The following CDYL2 variants were observed in gnomAD, a reference collection of about 807,000 sequenced individuals.
The protein encoded by CDYL2 is chromodomain Y like 2, also known as chromodomain Y-like protein 2.
Under a neutral mutation model 49.4 loss-of-function variants are expected in CDYL2, and 23 were observed. The observed-to-expected ratio is 0.47, with a 90% confidence interval of 0.34 to 0.66. CDYL2 has a LOEUF of 0.66. Ranked by LOEUF, CDYL2 falls within the 30% of genes least tolerant of loss-of-function variation. The pLI is 0.01. For missense variants in CDYL2, 678 were observed against 656.4 expected, an observed-to-expected ratio of 1.03 and a Z score of -0.36; for synonymous variants, 360 against 268.8, an observed-to-expected ratio of 1.34 and a Z score of -3.32.
In CDYL2 at chr16:80,629,868, A is replaced by G. The variant is rs191733893; in HGVS notation, c.834+3151T>C. On this transcript the variant is annotated intron_variant, in intron 3 of 6. Coordinates refer to ENST00000570137, the MANE Select transcript of CDYL2 (RefSeq NM_152342.4). Reference sequence around the variant, plus strand: ...TAAATGGCCTCTGCTTCCCATTAACAATGATGGGAACATTTATTACATACC... The same window carrying G: ...TAAATGGCCTCTGCTTCCCATTAACGATGATGGGAACATTTATTACATACC... Among the ~76,000 whole-genome samples the G allele has an allele frequency of 1.6e-3, 243 of 152,318 alleles. 6 individuals are homozygous for G. Among genetic ancestry groups the G allele is most frequent in the Non-Finnish European group, 4.3e-4 (29 of 68,022 alleles).
intron 1 of CDYL2, among the ~76,000 whole-genome samples, chr16:80,779,926 C>T (rs1907208455): frequency 6.6e-6 from 1 of 151,916 alleles, no homozygotes; most frequent in South Asian, 2.1e-4. Flanking sequence ...CATGTATCTG[C>T]TTTATAATCT....
At chr16:80,649,827 C>T (rs1235539497) in intron 2 of CDYL2, among the ~76,000 whole-genome samples, 1 of 152,102 alleles carries the variant, frequency 6.6e-6, no homozygotes, top group Non-Finnish European at 1.5e-5. Context: ...CTACAGTGAA[C>T]CCATTTTAGA....
intron 2 of CDYL2, among the ~76,000 whole-genome samples, chr16:80,665,686 TG>T (rs1334500083): frequency 6.6e-6 from 1 of 151,804 alleles, no homozygotes; most frequent in Non-Finnish European, 1.5e-5. Context: ...GGAAAGGAGA[TG>T]AAGATGGGAG....
chr16:80,749,516 A>T (rs1416537299), intron 1 of CDYL2, among the ~76,000 whole-genome samples: 2 of 152,194 alleles, frequency 1.3e-5, no homozygotes, highest in Non-Finnish European at 2.9e-5. Context: ...CAAAATCAAC[A>T]GCTAAAAGAT....
chr16:80,667,330 T>C (rs1597159162), intron 2 of CDYL2, among the ~76,000 whole-genome samples: 1 of 152,272 alleles, frequency 6.6e-6, no homozygotes, highest in East Asian at 1.9e-4. Context: ...GACTGCTGTA[T>C]TCTTTGTGAT....
chr16:80,782,298 T>C (rs1597131444), intron 1 of CDYL2, among the ~76,000 whole-genome samples: 2 of 151,772 alleles, frequency 1.3e-5, no homozygotes, highest in South Asian at 4.2e-4. Context: ...CAAAAATGAA[T>C]AGAAAATCTG....
intron 1 of CDYL2, among the ~76,000 whole-genome samples, chr16:80,716,569 A>G (rs1445624087): frequency 6.6e-6 from 1 of 151,894 alleles, no homozygotes; most frequent in Non-Finnish European, 1.5e-5. Flanking sequence ...TGGATAGATG[A>G]CTGAATGAAT....
chr16:80,675,695 G>A (rs955289488), intron 2 of CDYL2, among the ~76,000 whole-genome samples: 2 of 151,618 alleles, frequency 1.3e-5, no homozygotes, highest in African/African-American at 4.8e-5. Flanking sequence ...AGGAGGTGAA[G>A]TTTTATTATT....
chr16:80,698,283 C>T (rs369194952), intron 1 of CDYL2, among the ~76,000 whole-genome samples: 8 of 152,210 alleles, frequency 5.3e-5, no homozygotes, highest in South Asian at 4.1e-4. Flanking sequence ...AGCTTCTGTA[C>T]GTACTGCAAA....
intron 1 of CDYL2, among the ~76,000 whole-genome samples, chr16:80,783,729 A>T (rs1330988577): frequency 6.6e-6 from 1 of 152,268 alleles, no homozygotes; most frequent in Non-Finnish European, 1.5e-5. Context: ...GCATGCTAAA[A>T]CATGGCTGAT....
chr16:80,748,727 C>A (rs1340973797), intron 1 of CDYL2, among the ~76,000 whole-genome samples: 1 of 152,002 alleles, frequency 6.6e-6, no homozygotes, highest in African/African-American at 2.4e-5. Context: ...AACACCACAA[C>A]CACCACCAAC....
At chr16:80,624,983 T>C (rs1907240287) in intron 3 of CDYL2, among the ~76,000 whole-genome samples, 1 of 152,164 alleles carries the variant, frequency 6.6e-6, no homozygotes, top group Admixed American at 6.5e-5. Flanking sequence ...AGGGATTCTA[T>C]CAGGAGATCA....
chr16:80,772,002 T>C (rs952376963), intron 1 of CDYL2, among the ~76,000 whole-genome samples: 5 of 152,132 alleles, frequency 3.3e-5, no homozygotes, highest in Non-Finnish European at 7.4e-5. Context: ...TGGCTGAGCA[T>C]TCCCCTAAAC....
chr16:80,633,114 A>G lies in CDYL2; in HGVS notation c.739T>C (p.Cys247Arg). 1 of 1,614,204 alleles carries G rather than the reference A, an allele frequency of 6.2e-7. No individual in the cohort carries two copies. Among genetic ancestry groups the G allele is most frequent in the South Asian group, 1.1e-5 (1 of 91,082 alleles). ...CGCACAACGATGTCTCGAAACCGAC[A>G]GTTGCTTTCATTCTGGCGGACACTG... ...RYSVRQNESNCRFRDIVVRKE... is the reference protein window; with the variant it reads ...RYSVRQNESNRRFRDIVVRKE... The change falls in exon 3 of 7, where the codon TGT becomes CGT. Residue 247 changes from cysteine to arginine, a missense_variant. Cys to Arg is a radical substitution (Grantham distance 180, BLOSUM62 -3). Coordinates refer to ENST00000570137, the MANE Select transcript of CDYL2 (RefSeq NM_152342.4).
intron 2 of CDYL2, among the ~76,000 whole-genome samples, chr16:80,662,208 C>A (rs922333373): frequency 1.3e-5 from 2 of 152,156 alleles, no homozygotes; most frequent in African/African-American, 4.8e-5. Flanking sequence ...TGAGTGAGAT[C>A]CCACCTCTCA....
intron 1 of CDYL2, among the ~76,000 whole-genome samples, chr16:80,802,403 C>T (rs1371824024): frequency 6.6e-6 from 1 of 152,214 alleles, no homozygotes; most frequent in Non-Finnish European, 1.5e-5. Context: ...GTACTGGTTA[C>T]ACATAAGGAA....
intron 1 of CDYL2, among the ~76,000 whole-genome samples, chr16:80,701,623 A>G (rs1904301359): frequency 2.0e-5 from 3 of 152,210 alleles, no homozygotes; most frequent in Non-Finnish European, 4.4e-5. Context: ...ATAAACAACA[A>G]AATTCTACTG....
intron 1 of CDYL2, among the ~76,000 whole-genome samples, chr16:80,706,268 T>A (rs1904401676): frequency 6.6e-6 from 1 of 152,156 alleles, no homozygotes; most frequent in Admixed American, 6.5e-5. Context: ...CTTCAACAGG[T>A]TTGTGAAAAA....
chr16:80,729,396 G>A (rs201313581), intron 1 of CDYL2, among the ~76,000 whole-genome samples: 3 of 152,240 alleles, frequency 2.0e-5, no homozygotes, highest in Admixed American at 6.5e-5. Context: ...AACAAGAAGA[G>A]CTAACTATCC....
Sources: gnomAD v4.1 joint callset for allele counts (sites outside exome capture counted in the v4.1 genomes callset) on GRCh38, gnomAD v4.1.1 for gene constraint, MANE v1.5 for transcripts, NCBI Gene and HGNC (gene_info 2026-07-23, HGNC 2026-07-21) for gene names.